Variants in DAB1 observed in about 807,000 individuals in gnomAD.
DAB1 encodes the protein DAB adaptor protein 1.
In DAB1, 15 loss-of-function variants were observed where a neutral mutation model predicts 64.6. The observed-to-expected ratio is 0.23, with a 90% confidence interval of 0.16 to 0.36. The LOEUF is 0.36. DAB1 is among the 10% of genes least tolerant of loss of function. DAB1 has a pLI of 1.00. For missense variants in DAB1, 596 were observed against 706.7 expected (o/e 0.84, Z 1.78); for synonymous variants, 235 against 251.9 (o/e 0.93, Z 0.64).
intron 2 of DAB1, among the ~76,000 whole-genome samples, chr1:58,513,948 G>A (rs553068713): frequency 3.9e-5 from 6 of 152,088 alleles, no homozygotes; most frequent in Non-Finnish European, 7.4e-5. Flanking sequence ...TTTTGCCCCT[G>A]GGTCAATAAT....
intron 1 of DAB1, among the ~76,000 whole-genome samples, chr1:57,838,444 T>C (rs1188957700): frequency 6.6e-6 from 1 of 152,096 alleles, no homozygotes; most frequent in African/African-American, 2.4e-5. Flanking sequence ...TGAATATATA[T>C]TATGTATAAG....
At chr1:57,648,725 G>A (rs1646222857) in intron 7 of DAB1, among the ~76,000 whole-genome samples, 1 of 152,148 alleles carries the variant, frequency 6.6e-6, no homozygotes, top group Non-Finnish European at 1.5e-5. Flanking sequence ...GGCTTTTAAT[G>A]GACCATTGTT....
Position 57,738,562 on chromosome 1 carries a change from T to C in DAB1, n.552-88897A>G, listed in dbSNP as rs1647807795. Among the ~76,000 whole-genome samples, 8 of 152,126 alleles carry C rather than the reference T, an allele frequency of 5.3e-5. No homozygotes were observed. In the South Asian group the frequency reaches 1.2e-3, roughly 24 times the overall value. Reference sequence around the variant, plus strand: ...CTTGTTGTGTAATATATTTTGTGTGTAAGTCTATCAGTCCAAACAGTGGGG... The same window carrying C: ...CTTGTTGTGTAATATATTTTGTGTGCAAGTCTATCAGTCCAAACAGTGGGG... On this transcript the variant is annotated intron_variant and non_coding_transcript_variant, in intron 6 of 20. Coordinates refer to the DAB1 transcript ENST00000485760.
intron 1 of DAB1, among the ~76,000 whole-genome samples, chr1:57,830,768 C>A (rs1033610221): frequency 7.9e-5 from 12 of 152,084 alleles, no homozygotes; most frequent in African/African-American, 2.9e-4. Context: ...CAGAAAACCT[C>A]TTTTCTTTCT....
chr1:57,547,782 T>C (rs1368661835), intron 7 of DAB1, among the ~76,000 whole-genome samples: 1 of 152,194 alleles, frequency 6.6e-6, no homozygotes, highest in Non-Finnish European at 1.5e-5. Context: ...AAATGCATCA[T>C]GGTTATGTAA....
chr1:58,126,208 C>T (rs1365792312), intron 5 of DAB1, among the ~76,000 whole-genome samples: 1 of 152,190 alleles, frequency 6.6e-6, no homozygotes, highest in African/African-American at 2.4e-5. Flanking sequence ...CCTGCTGTAC[C>T]CATTTGCTTA....
intron 2 of DAB1, among the ~76,000 whole-genome samples, chr1:57,217,523 A>T (rs963371132): frequency 3.9e-5 from 6 of 152,174 alleles, no homozygotes; most frequent in African/African-American, 1.4e-4. Flanking sequence ...AATACTCTGA[A>T]AAAAAGAGAA....
rs182995891 is a variant in DAB1 at position 57,972,794 on chromosome 1, C to T, written n.388-88632G>A. 3.1e-3 allele frequency among the ~76,000 whole-genome samples: 469 copies of T among 152,326 alleles called. 2 individuals are homozygous for T. Among genetic ancestry groups the T allele is most frequent in the Admixed American group, 5.0e-3 (76 of 15,290 alleles). On this transcript the variant is annotated intron_variant and non_coding_transcript_variant, in intron 5 of 20. Transcript: ENST00000485760. The stretch of plus-strand genomic sequence containing the variant: ...GATATAAGGACATAGGAAAGGTGTT[C>T]TTTGTGTGGGCCACACAGGCCCTCA...
At chr1:57,327,587 A>G (rs1676279685) in intron 1 of DAB1, among the ~76,000 whole-genome samples, 1 of 152,184 alleles carries the variant, frequency 6.6e-6, no homozygotes, top group Non-Finnish European at 1.5e-5. Flanking sequence ...GATGTCAGGA[A>G]AAAAAGAGGT....
chr1:58,258,696 C>T (rs2100414737), intron 4 of DAB1, among the ~76,000 whole-genome samples: 1 of 152,290 alleles, frequency 6.6e-6, no homozygotes, highest in African/African-American at 2.4e-5. Flanking sequence ...GGAACCCAGA[C>T]CTCAAACACA....
intron 6 of DAB1, among the ~76,000 whole-genome samples, chr1:57,791,812 C>T (rs1650614218): frequency 6.6e-6 from 1 of 152,176 alleles, no homozygotes; most frequent in African/African-American, 2.4e-5. Flanking sequence ...TGGAATGTGC[C>T]TTTTCAGACA....
rs1451809191 is a variant in DAB1 at position 58,175,179 on chromosome 1, T to C, written n.310-24591A>G. On this transcript the variant is annotated intron_variant and non_coding_transcript_variant, in intron 4 of 20. Transcript: ENST00000485760. ...AGCTGTAACACTCACCACGAGGGTC[T>C]GCAGCTTCATTCCTGAAGTCAGTGA... 5.3e-5 allele frequency among the ~76,000 whole-genome samples: 8 copies of C among 152,354 alleles called. No homozygotes were observed. The South Asian group carries it at 8.3e-4, about 16-fold the overall frequency.
intron 4 of DAB1, among the ~76,000 whole-genome samples, chr1:58,325,091 C>A (rs1239880006): frequency 6.6e-6 from 1 of 152,124 alleles, no homozygotes; most frequent in African/African-American, 2.4e-5. Flanking sequence ...TTGTCCTCTC[C>A]CTGCTTGTAG....
chr1:57,523,355 T>G (rs1018395793), intron 7 of DAB1, among the ~76,000 whole-genome samples: 1 of 151,898 alleles, frequency 6.6e-6, no homozygotes, highest in African/African-American at 2.4e-5. Flanking sequence ...CTGACAAGAG[T>G]GAAGTCTATT....
At chr1:58,370,703 T>C (rs1569694770) in intron 3 of DAB1, among the ~76,000 whole-genome samples, 1 of 152,152 alleles carries the variant, frequency 6.6e-6, no homozygotes, top group East Asian at 1.9e-4. Context: ...TAGCGTGAGA[T>C]GATTGAATCA....
At chr1:57,243,848 A>G (rs530629143) in intron 2 of DAB1, among the ~76,000 whole-genome samples, 1 of 152,314 alleles carries the variant, frequency 6.6e-6, no homozygotes, top group East Asian at 1.9e-4. Flanking sequence ...TCATGGAGGC[A>G]AATTAAAAGG....
At chr1:57,022,980 G>T (rs138525333) in intron 11 of DAB1, among the ~76,000 whole-genome samples, 3 of 152,352 alleles carry the variant, frequency 2.0e-5, no homozygotes, top group African/African-American at 7.2e-5. Context: ...TACATTTAAA[G>T]ACTATTTGAA....
chr1:58,048,583 A>G, intron 5 of DAB1: 1 of 1,005,618 alleles, frequency 9.9e-7, no homozygotes, highest in South Asian at 1.3e-5. Context: ...CACTGCCACC[A>G]TATCCACTGA....
At chr1:58,028,582 T>G (rs953561990) in intron 5 of DAB1, among the ~76,000 whole-genome samples, 5 of 152,118 alleles carry the variant, frequency 3.3e-5, no homozygotes, top group Non-Finnish European at 7.3e-5. Flanking sequence ...TTGTTCATAG[T>G]AAGAGGGCTC....
Sources: allele counts gnomAD v4.1 joint callset (sites outside exome capture counted in the v4.1 genomes callset), GRCh38; gene constraint gnomAD v4.1.1; transcripts MANE v1.5; gene names NCBI Gene and HGNC (gene_info 2026-07-23, HGNC 2026-07-21).